Variants in COX7B2 observed in about 807,000 individuals in gnomAD.
COX7B2 encodes cytochrome c oxidase subunit 7B2, mitochondrial.
For missense variants in COX7B2, 109 were observed against 95.9 expected (o/e 1.14, Z -0.57); for synonymous variants, 37 against 32.1 (o/e 1.15, Z -0.51).
intron 2 of COX7B2, among the ~76,000 whole-genome samples, chr4:46,788,672 T>C (rs73813594): frequency 6.6e-6 from 1 of 152,162 alleles, no homozygotes; most frequent in African/African-American, 2.4e-5. Context: ...ATTTATGTAT[T>C]TGTATATATA....
intron 2 of COX7B2, among the ~76,000 whole-genome samples, chr4:46,747,443 A>G (rs28710254): frequency 0.33 from 49,634 of 151,746 alleles, 8,387 homozygotes; most frequent in South Asian, 0.47. Context: ...AGCTGGGATT[A>G]CAGGTGTGTG....
intron 2 of COX7B2, among the ~76,000 whole-genome samples, chr4:46,738,606 A>G (rs1181224932): frequency 2.0e-5 from 3 of 152,076 alleles, no homozygotes; most frequent in Non-Finnish European, 4.4e-5. Context: ...GTTTAAACCC[A>G]TATTACATAC....
At chr4:46,865,992 A>G (rs1313290662) in intron 1 of COX7B2, among the ~76,000 whole-genome samples, 2 of 152,118 alleles carry the variant, frequency 1.3e-5, no homozygotes, top group Non-Finnish European at 2.9e-5. Context: ...GGGTACTAGT[A>G]CCTCCAGTGA....
Position 46,735,011 on chromosome 4 carries a change from A to T in COX7B2, c.182T>A (p.Ile61Asn), listed in dbSNP as rs778464197. ...VATWVFTATQ[I>N]GIEWNLSPVG... ...AGGGGATAGGTTCCATTCTATTCCA[A>T]TCTGAGTGGCTGTAAACACCCATGT... The change falls in exon 3 of 3, where the codon ATT (isoleucine) becomes AAT (asparagine). Residue 61 changes from isoleucine to asparagine, a missense_variant. Physicochemically the swap from Ile to Asn is moderately radical, Grantham distance 149. Coordinates refer to ENST00000355591, the MANE Select transcript of COX7B2 (RefSeq NM_130902.3). 32 of 1,614,094 alleles carry T rather than the reference A, an allele frequency of 2.0e-5. No homozygotes were observed. The highest frequency in any genetic ancestry group is 2.5e-5 in the Non-Finnish European group (30 of 1,179,972).
chr4:46,777,164 G>GTAT (rs1409791871), intron 2 of COX7B2, among the ~76,000 whole-genome samples: 1 of 152,104 alleles, frequency 6.6e-6, no homozygotes, highest in Non-Finnish European at 1.5e-5. Flanking sequence ...TCTTTAAAAT[G>GTAT]TATTTTCTAA....
intron 2 of COX7B2, among the ~76,000 whole-genome samples, chr4:46,778,706 C>A (rs1481203498): frequency 1.3e-5 from 2 of 152,096 alleles, no homozygotes; most frequent in Admixed American, 6.5e-5. Flanking sequence ...TGATGATCCA[C>A]TGAATAATTT....
At chr4:46,878,222 G>T (rs375188310) in intron 1 of COX7B2, among the ~76,000 whole-genome samples, 2 of 151,960 alleles carry the variant, frequency 1.3e-5, no homozygotes, top group African/African-American at 2.4e-5. Context: ...AGAAACAGTA[G>T]AACAGTGGTT....
chr4:46,808,883 T>C (rs145802269), intron 2 of COX7B2, among the ~76,000 whole-genome samples: 3 of 152,002 alleles, frequency 2.0e-5, no homozygotes, highest in Non-Finnish European at 4.4e-5. Context: ...CAGGGATAAA[T>C]CTCATTCTGT....
chr4:46,804,271 G>A (rs1017212357), intron 2 of COX7B2, among the ~76,000 whole-genome samples: 17 of 152,152 alleles, frequency 1.1e-4, no homozygotes, highest in African/African-American at 3.6e-4. Context: ...AAGACTTACC[G>A]CAAAGAGCGA....
intron 1 of COX7B2, among the ~76,000 whole-genome samples, chr4:46,850,240 TA>T (rs1716582833): frequency 6.6e-6 from 1 of 151,144 alleles, no homozygotes; most frequent in Admixed American, 6.6e-5. Flanking sequence ...TAAAATGATT[TA>T]AAATAATTTA....
At chr4:46,746,566 TGAGA>T (rs1715037907) in intron 2 of COX7B2, among the ~76,000 whole-genome samples, 1 of 152,136 alleles carries the variant, frequency 6.6e-6, no homozygotes, top group South Asian at 2.1e-4. Flanking sequence ...GTTTATTCAT[TGAGA>T]GAGACCAGTG....
At chr4:46,846,619 C>T (rs1716296064) in intron 1 of COX7B2, among the ~76,000 whole-genome samples, 1 of 151,652 alleles carries the variant, frequency 6.6e-6, no homozygotes, top group Non-Finnish European at 1.5e-5. Flanking sequence ...CTGAGCTGCT[C>T]AGAAAACAGC....
chr4:46,836,177 A>C (rs1715499559), intron 2 of COX7B2, among the ~76,000 whole-genome samples: 1 of 152,068 alleles, frequency 6.6e-6, no homozygotes, highest in Admixed American at 6.6e-5. Flanking sequence ...AAACTTATTA[A>C]AAATTTCTTT....
At chr4:46,796,070 A>AAAAATCAAAACCACTATG (rs1718318144) in intron 2 of COX7B2, among the ~76,000 whole-genome samples, 7 of 109,608 alleles carry the variant, frequency 6.4e-5, no homozygotes, top group East Asian at 4.7e-4. Flanking sequence ...GACTTTGCTG[A>AAAAATCAAAACCACTATG]AGTTGCTTAT....
At chr4:46,838,306 T>C (rs1047939658) in intron 2 of COX7B2, among the ~76,000 whole-genome samples, 2 of 152,066 alleles carry the variant, frequency 1.3e-5, no homozygotes, top group South Asian at 4.1e-4. Context: ...ATTTAAATCA[T>C]CTGTAATATT....
At chr4:46,863,291 G>T (rs1246046490) in intron 1 of COX7B2, among the ~76,000 whole-genome samples, 1 of 152,064 alleles carries the variant, frequency 6.6e-6, no homozygotes, top group East Asian at 1.9e-4. Flanking sequence ...ACAAGACAGG[G>T]TCTTGTATGC....
intron 2 of COX7B2, among the ~76,000 whole-genome samples, chr4:46,755,960 A>G (rs114710827): frequency 1.1e-3 from 164 of 152,188 alleles, no homozygotes; most frequent in Non-Finnish European, 1.9e-3. Flanking sequence ...ATTTAAAATA[A>G]TCTTAAATTT....
chr4:46,853,314 C>A (rs1341289459), intron 1 of COX7B2, among the ~76,000 whole-genome samples: 3 of 152,126 alleles, frequency 2.0e-5, no homozygotes, highest in Non-Finnish European at 2.9e-5. Flanking sequence ...ATCCACATAA[C>A]AACACAGGAT....
chr4:46,865,013 G>C lies in COX7B2; in HGVS notation c.-104-19999C>G, dbSNP rs189846460. ...TACATGTGTTTTTTGTTACATGGATGAATTAAATAGCAGTGAATTCTGAGA... is the reference window on the plus strand; with the variant it reads ...TACATGTGTTTTTTGTTACATGGATCAATTAAATAGCAGTGAATTCTGAGA... On this transcript the variant is annotated intron_variant, in intron 1 of 2. Transcript: ENST00000355591. Among the ~76,000 whole-genome samples, 347 of 152,210 alleles carry C rather than the reference G, an allele frequency of 2.3e-3. 2 individuals are homozygous for C. The highest frequency in any genetic ancestry group is 2.5e-3 in the Non-Finnish European group (173 of 68,012).
Sources: gnomAD v4.1 joint callset for allele counts (sites outside exome capture counted in the v4.1 genomes callset) on GRCh38, gnomAD v4.1.1 for gene constraint, MANE v1.5 for transcripts, NCBI Gene and HGNC (gene_info 2026-07-23, HGNC 2026-07-21) for gene names.